The following OTOGL variants were observed in gnomAD, a reference collection of about 807,000 sequenced individuals.
OTOGL encodes the protein otogelin like, also known as otogelin-like protein.
OTOGL carries 285 observed loss-of-function variants against 318.5 expected under a neutral mutation model. That is an observed-to-expected ratio of 0.89 (90% CI 0.81 to 0.99). The LOEUF (loss-of-function observed/expected upper bound fraction) is 0.99, where lower values mean the gene tolerates loss of function less well. OTOGL is among the 50% of genes least tolerant of loss of function. The pLI is 0.00. For synonymous variants in OTOGL, 987 were observed against 936.5 expected (o/e 1.05, Z -0.99); for missense variants, 2,899 against 2,845.6 (o/e 1.02, Z -0.43).
intron 9 of OTOGL, among the ~76,000 whole-genome samples, chr12:80,234,972 T>G (rs542358920): frequency 6.6e-6 from 1 of 152,148 alleles, no homozygotes; most frequent in Non-Finnish European, 1.5e-5. Flanking sequence ...CATCTCGAAA[T>G]GGTGTTTTGC....
chr12:80,285,164 A>T (rs1055781435), intron 26 of OTOGL, among the ~76,000 whole-genome samples: 2 of 151,592 alleles, frequency 1.3e-5, no homozygotes, highest in African/African-American at 4.8e-5. Flanking sequence ...TTTTTGTCAG[A>T]TTTGTCAAAG....
At chr12:80,291,503 G>T (rs1885040161) in intron 26 of OTOGL, among the ~76,000 whole-genome samples, 1 of 152,138 alleles carries the variant, frequency 6.6e-6, no homozygotes, top group Non-Finnish European at 1.5e-5. Context: ...ATATGAATTG[G>T]GTTAATTTCT....
chr12:80,339,003 G>A, intron 42 of OTOGL, 72 bp from the exon 43 acceptor site: 3 of 1,201,504 alleles, frequency 2.5e-6, no homozygotes, highest in South Asian at 1.6e-5. Context: ...CAGAATAAAG[G>A]AATAATCTGT....
intron 32 of OTOGL, among the ~76,000 whole-genome samples, chr12:80,317,868 G>A (rs1473577822): frequency 2.6e-5 from 4 of 152,108 alleles, no homozygotes; most frequent in Non-Finnish European, 4.4e-5. Context: ...GCTCCACCTT[G>A]ATGTGGGGGC....
At position 80,377,898 on chromosome 12, in the gene OTOGL, C is replaced by T. The variant is rs1592464228; in HGVS notation, c.6912C>T (p.Asn2304=). 4 of 1,611,666 alleles carry T rather than the reference C, an allele frequency of 2.5e-6. No individual in the cohort carries two copies. Among genetic ancestry groups the T allele is most frequent in the Middle Eastern group, 1.7e-4 (1 of 6,058 alleles). Reference sequence around the variant, plus strand: ...AATGCCCATCAGCTACCATATATAACATCAATATTGAAAGTCACCTAAGAT... The same window carrying T: ...AATGCCCATCAGCTACCATATATAATATCAATATTGAAAGTCACCTAAGAT... ...DGKCPSATIY[N]INIESHLRFC... is the part of the protein sequence containing the mutation. The change falls in exon 59 of 59, where the codon AAC becomes AAT. Residue 2304 remains asparagine (N), a synonymous_variant. Coordinates refer to ENST00000547103, the MANE Select transcript of OTOGL (RefSeq NM_001378609.3).
intron 17 of OTOGL, 44 bp from the exon 18 acceptor site, chr12:80,257,781 T>C: frequency 2.8e-6 from 4 of 1,435,498 alleles, no homozygotes; most frequent in Non-Finnish European, 3.7e-6. Context: ...CAGAACACCG[T>C]CTATGAATGT....
rs191781281 is a variant in OTOGL, at chr12:80,352,244, T to G, written c.5266-51T>G. On this transcript the variant is annotated intron_variant, in intron 44 of 58. Coordinates refer to ENST00000547103, the MANE Select transcript of OTOGL (RefSeq NM_001378609.3). ...AATAATCTTAGTCTAGCTTAGGGCT[T>G]TCAGAGAAATAAAACAATATAACTT... 666 of 1,508,496 alleles carry G rather than the reference T, an allele frequency of 4.4e-4. 10 individuals carry two copies. In the South Asian group the frequency reaches 8.1e-3, roughly 18 times the overall value. The allele number at this position is 1,508,496 out of a possible 1,614,324, so 93.4% of individuals were successfully genotyped here.
intron 1 of OTOGL, among the ~76,000 whole-genome samples, chr12:80,125,068 T>C (rs9668975): frequency 0.61 from 92,173 of 152,072 alleles, 28,498 homozygotes; most frequent in African/African-American, 0.73. Context: ...AGACTTCCAA[T>C]AGTATATTGA....
At chr12:80,251,822 C>A in intron 12 of OTOGL, 23 bp downstream of exon 12, 1 of 1,542,280 alleles carries the variant, frequency 6.5e-7, no homozygotes. Flanking sequence ...ATTTTCCAAG[C>A]CCTGTGTACT....
chr12:80,117,575 C>T (rs962486766), intron 1 of OTOGL, among the ~76,000 whole-genome samples: 2 of 152,188 alleles, frequency 1.3e-5, no homozygotes, highest in Non-Finnish European at 2.9e-5. Context: ...TCCTGCCTCT[C>T]CTTTCTCTTG....
intron 26 of OTOGL, among the ~76,000 whole-genome samples, chr12:80,279,699 A>C (rs1884076179): frequency 6.6e-6 from 1 of 151,720 alleles, no homozygotes; most frequent in Non-Finnish European, 1.5e-5. Flanking sequence ...GTTGATGGGC[A>C]TTTAGGTTGA....
intron 1 of OTOGL, among the ~76,000 whole-genome samples, chr12:80,195,423 T>C (rs866805620): frequency 4.5e-4 from 68 of 152,212 alleles, no homozygotes; most frequent in Admixed American, 4.6e-4. Context: ...GAATATAAGG[T>C]CATGCTAAAG....
intron 34 of OTOGL, among the ~76,000 whole-genome samples, chr12:80,322,586 A>G (rs17006619): frequency 0.035 from 5,372 of 152,276 alleles, 196 homozygotes; most frequent in Admixed American, 0.1. Flanking sequence ...TTCTGTGTCC[A>G]GAGTCCAAGA....
At chr12:80,302,424 A>G (rs1885822334) in intron 27 of OTOGL, among the ~76,000 whole-genome samples, 1 of 152,126 alleles carries the variant, frequency 6.6e-6, no homozygotes, top group Non-Finnish European at 1.5e-5. Context: ...TGTGGGGTCC[A>G]TCTGCTAGTT....
chr12:80,196,313 T>C (rs1308555159), intron 1 of OTOGL, among the ~76,000 whole-genome samples: 1 of 152,262 alleles, frequency 6.6e-6, no homozygotes, highest in African/African-American at 2.4e-5. Context: ...CTTTCAACTA[T>C]GCACCTTACA....
chr12:80,102,844 C>T lies in OTOGL; in HGVS notation c.-20+3239C>T, dbSNP rs558353017. On this transcript the variant is annotated intron_variant, in intron 1 of 58. Transcript: ENST00000547103. ...CTCTCGGAGCTCTAGTCATAAGGCT[C>T]TTCTTTTTTTTCTCCTTTGTTTCAA... 5.7e-6 allele frequency: 4 copies of T among 704,986 alleles called. No homozygotes were observed. The Admixed American group carries it at 8.8e-5, about 15-fold the overall frequency. 43.7% of individuals were successfully genotyped at this position (704,986 alleles called of 1,614,324 possible).
At chr12:80,331,961 T>C (rs1888099209) in intron 37 of OTOGL, among the ~76,000 whole-genome samples, 1 of 151,336 alleles carries the variant, frequency 6.6e-6, no homozygotes, top group Non-Finnish European at 1.5e-5. Context: ...GAGAGAGAGA[T>C]TGATTTGAAG....
chr12:80,229,260 C>T lies in OTOGL; in HGVS notation c.493C>T (p.His165Tyr). ...DLEPRYTVWVHNSPKCLGSVY... is the reference protein window; with the variant it reads ...DLEPRYTVWVYNSPKCLGSVY... Reference sequence around the variant, plus strand: ...TTTTTGTTTTTCTCCCTTTAAGGTTCATAACAGCCCTAAATGCCTTGGTTC... The same window carrying T: ...TTTTTGTTTTTCTCCCTTTAAGGTTTATAACAGCCCTAAATGCCTTGGTTC... Residue 165 changes from histidine (H) to tyrosine (Y), a missense_variant, in exon 8 of 59, where the codon CAT (histidine) becomes TAT (tyrosine). His to Tyr is a moderately conservative substitution (Grantham distance 83). Transcript: ENST00000547103. 1 of 1,597,460 alleles carries T rather than the reference C, an allele frequency of 6.3e-7. No individual in the cohort carries two copies. Among genetic ancestry groups the T allele is most frequent in the Non-Finnish European group, 8.5e-7 (1 of 1,178,108 alleles).
intron 57 of OTOGL, among the ~76,000 whole-genome samples, chr12:80,372,776 C>A (rs940833484): frequency 2.0e-5 from 3 of 151,790 alleles, no homozygotes; most frequent in African/African-American, 7.3e-5. Flanking sequence ...GCAACCTCTT[C>A]CTGCCGGGTC....
Sources: gnomAD v4.1 joint callset for allele counts (sites outside exome capture counted in the v4.1 genomes callset) on GRCh38, gnomAD v4.1.1 for gene constraint, MANE v1.5 for transcripts, NCBI Gene and HGNC (gene_info 2026-07-23, HGNC 2026-07-21) for gene names.